The following ZNF280D variants were observed in gnomAD, a reference collection of about 807,000 sequenced individuals.
ZNF280D encodes the protein suppressor of hairy wing homolog 4.
Under a neutral mutation model 94.7 loss-of-function variants are expected in ZNF280D, and 39 were observed. The ratio of observed to expected loss-of-function variants is 0.41; its 90% CI spans 0.32 to 0.54. The LOEUF is 0.54. Ranked by LOEUF, ZNF280D falls within the 20% of genes least tolerant of loss-of-function variation. The pLI is 0.22. For missense variants in ZNF280D, 1,090 were observed against 1,149.3 expected, an observed-to-expected ratio of 0.95 and a Z score of 0.75; for synonymous variants, 398 against 377.6, an observed-to-expected ratio of 1.05 and a Z score of -0.63.
intron 9 of ZNF280D, among the ~76,000 whole-genome samples, chr15:56,682,905 C>A (rs1237022419): frequency 6.6e-6 from 1 of 151,676 alleles, no homozygotes; most frequent in Admixed American, 6.6e-5. Flanking sequence ...TTTCATAAAG[C>A]CTGGTTGAGG....
chr15:56,680,508 G>A (rs138176240), intron 10 of ZNF280D, among the ~76,000 whole-genome samples: 3 of 151,944 alleles, frequency 2.0e-5, no homozygotes, highest in Admixed American at 6.6e-5. Flanking sequence ...AGACCATCTC[G>A]TTCTGTTGCC....
intron 4 of ZNF280D, among the ~76,000 whole-genome samples, chr15:56,701,819 C>T (rs1370767293): frequency 6.6e-6 from 1 of 151,954 alleles, no homozygotes; most frequent in Non-Finnish European, 1.5e-5. Context: ...ACCAATAGTT[C>T]ATCATAGCAT....
intron 19 of ZNF280D, among the ~76,000 whole-genome samples, chr15:56,646,658 A>C (rs1399061417): frequency 6.6e-6 from 1 of 152,212 alleles, no homozygotes; most frequent in Non-Finnish European, 1.5e-5. Flanking sequence ...GGATTGTACT[A>C]AGTGTTCCAG....
intron 20 of ZNF280D, 79 bp downstream of exon 20, chr15:56,642,873 T>G: frequency 1.8e-6 from 2 of 1,101,076 alleles, no homozygotes; most frequent in Non-Finnish European, 2.5e-6. Context: ...CATGCTGAAA[T>G]TGAAAAAAAA....
At chr15:56,687,305 G>C (rs1263360855) in intron 9 of ZNF280D, among the ~76,000 whole-genome samples, 1 of 151,996 alleles carries the variant, frequency 6.6e-6, no homozygotes, top group African/African-American at 2.4e-5. Flanking sequence ...AAAATTCTAT[G>C]AAGTTCTGGT....
At chr15:56,664,868 G>C (rs1228593455) in intron 16 of ZNF280D, among the ~76,000 whole-genome samples, 3 of 152,030 alleles carry the variant, frequency 2.0e-5, no homozygotes, top group Admixed American at 6.6e-5. Context: ...AGGATTCTAG[G>C]ACAAAAAGCC....
Position 56,685,741 on chromosome 15 carries a change from G to A in ZNF280D, c.781-3264C>T, listed in dbSNP as rs1265216813. Among the ~76,000 whole-genome samples the A allele has an allele frequency of 2.0e-5, 3 of 152,130 alleles. No homozygotes were observed. The East Asian group carries it at 5.8e-4, about 29-fold the overall frequency. ...ATTAAAATTAGAAACATAATCAGGA[G>A]AACAAAACTACAACTCTCTTAGAAA... On this transcript the variant is annotated intron_variant, in intron 9 of 21. Coordinates refer to ENST00000267807, the MANE Select transcript of ZNF280D (RefSeq NM_017661.4).
intron 3 of ZNF280D, among the ~76,000 whole-genome samples, chr15:56,704,573 T>C (rs1373577492): frequency 6.6e-6 from 1 of 152,174 alleles, no homozygotes; most frequent in Non-Finnish European, 1.5e-5. Flanking sequence ...TGATTATCTC[T>C]ACAAAAAGGA....
chr15:56,680,852 T>C (rs769791696), intron 10 of ZNF280D, among the ~76,000 whole-genome samples: 8 of 152,174 alleles, frequency 5.3e-5, no homozygotes, highest in Non-Finnish European at 8.8e-5. Context: ...TAACATAACC[T>C]CATATTTCAG....
chr15:56,680,598 C>G (rs1205997620), intron 10 of ZNF280D, among the ~76,000 whole-genome samples: 5 of 152,032 alleles, frequency 3.3e-5, no homozygotes, highest in African/African-American at 1.2e-4. Context: ...CACCTCAGCC[C>G]CACAAGTAGC....
chr15:56,692,241 CA>C (rs1161642274), intron 7 of ZNF280D, among the ~76,000 whole-genome samples: 2 of 151,434 alleles, frequency 1.3e-5, no homozygotes, highest in Non-Finnish European at 2.9e-5. Context: ...AGGTGAATAT[CA>C]AATCAAGTAT....
rs186597094 is a variant in ZNF280D at position 56,715,876 on chromosome 15, A to G, written c.-85-8570T>C. 5.2e-4 allele frequency among the ~76,000 whole-genome samples: 79 copies of G among 152,286 alleles called. 1 individual carries two copies. Among genetic ancestry groups the G allele is most frequent in the Middle Eastern group, 6.8e-3 (2 of 294 alleles). On this transcript the variant is annotated intron_variant, in intron 1 of 21. Coordinates refer to ENST00000267807, the MANE Select transcript of ZNF280D (RefSeq NM_017661.4). ...GATTCAACCAACCATGGACTGAAAT[A>G]TTCAGAAACAAAACCAATAAACAGT...
intron 9 of ZNF280D, among the ~76,000 whole-genome samples, chr15:56,684,238 G>A (rs551138207): frequency 6.6e-6 from 1 of 152,162 alleles, no homozygotes; most frequent in African/African-American, 2.4e-5. Flanking sequence ...AAAGGAACTT[G>A]TATAAAACAG....
chr15:56,653,804 C>A, intron 19 of ZNF280D: 2 of 1,256,838 alleles, frequency 1.6e-6, no homozygotes, highest in Non-Finnish European at 2.0e-6. Flanking sequence ...AAGACCATAG[C>A]AACAAATGTT....
chr15:56,684,753 C>A (rs1596489562), intron 9 of ZNF280D, among the ~76,000 whole-genome samples: 2 of 151,824 alleles, frequency 1.3e-5, no homozygotes, highest in East Asian at 3.9e-4. Flanking sequence ...AAAAAAAAGA[C>A]ATATGTCAGG....
chr15:56,633,702 G>C (rs2052205723), intron 21 of ZNF280D, among the ~76,000 whole-genome samples: 1 of 151,700 alleles, frequency 6.6e-6, no homozygotes, highest in Non-Finnish European at 1.5e-5. Context: ...TGTTGGTCAG[G>C]CTGGTCTTGA....
At chr15:56,681,604 A>T (rs2055624019) in intron 10 of ZNF280D, among the ~76,000 whole-genome samples, 2 of 152,276 alleles carry the variant, frequency 1.3e-5, no homozygotes, top group South Asian at 4.1e-4. Flanking sequence ...TCAATTTCTT[A>T]TTACTTTTCT....
chr15:56,688,628 A>G (rs1305822399), intron 9 of ZNF280D, among the ~76,000 whole-genome samples: 4 of 152,188 alleles, frequency 2.6e-5, no homozygotes, highest in African/African-American at 9.7e-5. Context: ...ACTAAAATGT[A>G]AAACTCAGAT....
At position 56,704,095 on chromosome 15, in the gene ZNF280D, T is replaced by C. The variant is rs756617903; in HGVS notation, c.175+26A>G. On this transcript the variant is annotated intron_variant, in intron 4 of 21. Coordinates refer to ENST00000267807, the MANE Select transcript of ZNF280D (RefSeq NM_017661.4). ...ACTAGAAATAATACCTTATAAAGCT[T>C]GGTTTCACTAAAAGTAAATGCTTAC... is the stretch of plus-strand genomic sequence containing the variant. The C allele has an allele frequency of 3.1e-6, 5 of 1,611,756 alleles. No homozygotes were observed. The East Asian group carries it at 1.1e-4, about 36-fold the overall frequency.
Sources: allele counts gnomAD v4.1 joint callset (sites outside exome capture counted in the v4.1 genomes callset), GRCh38; gene constraint gnomAD v4.1.1; transcripts MANE v1.5; gene names NCBI Gene and HGNC (gene_info 2026-07-23, HGNC 2026-07-21).